SLC6A6: variants seen among roughly 807,000 people sequenced by gnomAD.
SLC6A6 encodes sodium- and chloride-dependent taurine transporter.
SLC6A6 carries 16 observed loss-of-function variants against 68.8 expected under a neutral mutation model. That is an observed-to-expected ratio of 0.23 (90% CI 0.16 to 0.35). The LOEUF (loss-of-function observed/expected upper bound fraction) is 0.35, where lower values mean the gene tolerates loss of function less well. SLC6A6 is among the 10% of genes least tolerant of loss of function. The pLI is 1.00. For synonymous variants in SLC6A6, 312 were observed against 315.4 expected (o/e 0.99, Z 0.12); for missense variants, 474 against 802.8 (o/e 0.59, Z 4.95).
intron 2 of SLC6A6, among the ~76,000 whole-genome samples, chr3:14,417,821 A>C (rs1007700438): frequency 4.6e-5 from 7 of 151,202 alleles, no homozygotes; most frequent in African/African-American, 1.7e-4. Flanking sequence ...CATTGACGTG[A>C]TTCTGTTATC....
At chr3:14,414,492 AG>A (rs1699321033) in intron 1 of SLC6A6, among the ~76,000 whole-genome samples, 1 of 151,932 alleles carries the variant, frequency 6.6e-6, no homozygotes, top group Admixed American at 6.6e-5. Flanking sequence ...GGGTGCCAGC[AG>A]GCTAGACATA....
intron 6 of SLC6A6, among the ~76,000 whole-genome samples, chr3:14,464,765 A>G (rs965654126): frequency 7.9e-5 from 12 of 152,106 alleles, no homozygotes; most frequent in Non-Finnish European, 1.3e-4. Flanking sequence ...TGTTCTCTTC[A>G]TCTCAGTTTC....
In SLC6A6 at chr3:14,477,395, A is replaced by C; in HGVS notation, c.1347+53A>C. The C allele has an allele frequency of 6.3e-7, 1 of 1,584,472 alleles. No individual in the cohort carries two copies. The highest frequency in any genetic ancestry group is 8.6e-7 in the Non-Finnish European group (1 of 1,156,384). On this transcript the variant is annotated intron_variant, in intron 11 of 14. Transcript: ENST00000622186. The surrounding 1 kb of genome is among the most constrained non-coding windows in gnomAD (Gnocchi z 4.2). ...GGCTTGGTGCTCCAGTGCCCTCCTC[A>C]AGGCCATAGTGGAGGCAGCAGCTGG...
intron 1 of SLC6A6, among the ~76,000 whole-genome samples, chr3:14,413,939 T>C (rs1359802588): frequency 2.6e-5 from 4 of 152,248 alleles, no homozygotes; most frequent in African/African-American, 9.7e-5. Context: ...TTTTATTTTT[T>C]TTATTTATTT....
In SLC6A6 at chr3:14,459,883, C is replaced by CTT. The variant is rs869191764; in HGVS notation, c.732+1825_732+1826dup. Among the ~76,000 whole-genome samples, 100 of 40,170 alleles carry CTT rather than the reference C, an allele frequency of 2.5e-3. 1 individual carries two copies. The highest frequency in any genetic ancestry group is 2.8e-3 in the East Asian group (4 of 1,420). 26.4% of individuals were successfully genotyped at this position (40,170 alleles called of 152,430 possible). ...CGGTTCTGTAAATGCTAATTCTCTT[C>CTT]TTTTTTTTTTTTTTTTTTTTTTTTT... On this transcript the variant is annotated intron_variant, in intron 6 of 14. Coordinates refer to ENST00000622186, the MANE Select transcript of SLC6A6 (RefSeq NM_003043.6).
At chr3:14,432,218 G>A (rs1261162053) in intron 2 of SLC6A6, among the ~76,000 whole-genome samples, 2 of 152,210 alleles carry the variant, frequency 1.3e-5, no homozygotes, top group African/African-American at 4.8e-5. Flanking sequence ...AAAGGAGAAG[G>A]TCAAGGAAAT....
chr3:14,421,277 G>A (rs1699480135), intron 2 of SLC6A6, among the ~76,000 whole-genome samples: 1 of 152,140 alleles, frequency 6.6e-6, no homozygotes, highest in African/African-American at 2.4e-5. Context: ...GGCCAGACTC[G>A]AGGTTGAAAA....
Position 14,477,291 on chromosome 3 carries a change from C to T in SLC6A6, c.1296C>T (p.Ile432=), listed in dbSNP as rs766538729. Residue 432 remains isoleucine, a synonymous_variant, in exon 11 of 15, where the codon ATC becomes ATT. Transcript: ENST00000622186. The surrounding 1 kb of genome is among the most constrained non-coding windows in gnomAD (Gnocchi z 4.2). ...LRKGYRREIF[I]AFVCSISYLL... is the part of the protein sequence containing the mutation. ...AGGGTTATCGTCGGGAAATCTTCAT[C>T]GCCTTCGTGTGTAGCATCAGCTACC... The T allele has an allele frequency of 1.7e-5, 28 of 1,613,842 alleles. 1 individual carries two copies. Among genetic ancestry groups the T allele is most frequent in the East Asian group, 6.7e-5 (3 of 44,892 alleles).
At chr3:14,463,095 T>C (rs184736544) in intron 6 of SLC6A6, among the ~76,000 whole-genome samples, 1 of 152,318 alleles carries the variant, frequency 6.6e-6, no homozygotes, top group East Asian at 1.9e-4. Flanking sequence ...GAGATTTTAT[T>C]TTCCCTTCAC....
intron 8 of SLC6A6, 25 bp downstream of exon 8, chr3:14,467,981 G>T: frequency 6.2e-7 from 1 of 1,608,358 alleles, no homozygotes; most frequent in Non-Finnish European, 8.5e-7. Context: ...GGCGGGCCTG[G>T]TGGACTTTAG....
At chr3:14,475,092 C>T (rs986375660) in intron 10 of SLC6A6, among the ~76,000 whole-genome samples, 2 of 152,316 alleles carry the variant, frequency 1.3e-5, no homozygotes, top group African/African-American at 2.4e-5. Context: ...AGTGCAGTGG[C>T]GCAGCCTTGG....
Position 14,468,339 on chromosome 3 carries a change from C to CCA in SLC6A6, c.1096+128_1096+129insAC, listed in dbSNP as rs1379069246. On this transcript the variant is annotated intron_variant, in intron 9 of 14. Coordinates refer to ENST00000622186, the MANE Select transcript of SLC6A6 (RefSeq NM_003043.6). The surrounding 1 kb of genome is among the most constrained non-coding windows in gnomAD (Gnocchi z 4.5). ...CGAGCCTGGTTTCTAAAATGGACCC[C>CCA]CCCCCCGCCACCAAGATATCCCCCA... 1.1e-5 allele frequency: 8 copies of CCA among 735,638 alleles called. No homozygotes were observed. Among genetic ancestry groups the CCA allele is most frequent in the Non-Finnish European group, 1.7e-5 (8 of 479,740 alleles). The allele number at this position is 735,638 out of a possible 1,614,324, so 45.6% of individuals were successfully genotyped here.
Position 14,481,604 on chromosome 3 carries a change from A to C in SLC6A6, c.1552-67A>C, listed in dbSNP as rs1357036274. 2 of 1,092,728 alleles carry C rather than the reference A, an allele frequency of 1.8e-6. No individual in the cohort carries two copies. The highest frequency in any genetic ancestry group is 2.8e-6 in the Non-Finnish European group (2 of 726,688). 67.7% of individuals were successfully genotyped at this position (1,092,728 alleles called of 1,614,324 possible). On this transcript the variant is annotated intron_variant, in intron 13 of 14. Coordinates refer to ENST00000622186, the MANE Select transcript of SLC6A6 (RefSeq NM_003043.6). This position sits in a 1 kb window ranked among gnomAD's most constrained non-coding sequence, Gnocchi z 4.7. ...CTTCCCTCAGGTTGAGGCCAGTCCT[A>C]GTCCCAGAAGCCCCCCACCCCCCGA...
intron 2 of SLC6A6, among the ~76,000 whole-genome samples, chr3:14,427,490 T>C (rs1020989087): frequency 1.3e-5 from 2 of 152,292 alleles, no homozygotes; most frequent in Admixed American, 1.3e-4. Flanking sequence ...CAGGCCTCTG[T>C]CTGCTTACTA....
chr3:14,453,726 G>A (rs1165934420), intron 5 of SLC6A6, among the ~76,000 whole-genome samples: 1 of 152,216 alleles, frequency 6.6e-6, no homozygotes, highest in Non-Finnish European at 1.5e-5. Flanking sequence ...ATAGGCTCAG[G>A]GCAGGGGAAG....
chr3:14,482,122 GT>G (rs900804962), intron 14 of SLC6A6, among the ~76,000 whole-genome samples: 4 of 152,234 alleles, frequency 2.6e-5, no homozygotes, highest in Non-Finnish European at 5.9e-5. Flanking sequence ...GGTGTTCCTG[GT>G]GTTGGCAGAG....
chr3:14,447,754 C>T lies in SLC6A6; in HGVS notation c.537C>T (p.Asn179=). 1 of 1,614,252 alleles carries T rather than the reference C, an allele frequency of 6.2e-7. No individual in the cohort carries two copies. The highest frequency in any genetic ancestry group is 8.5e-7 in the Non-Finnish European group (1 of 1,180,048). Residue 179 remains asparagine, a synonymous_variant, in exon 5 of 15, where the codon AAC becomes AAT. Transcript: ENST00000622186. Reference sequence around the variant, plus strand: ...GCATGGAGGACACCATGCGCAAGAACAAGAGTGTCTGGATCACCATCAGCT... The same window carrying T: ...GCATGGAGGACACCATGCGCAAGAATAAGAGTGTCTGGATCACCATCAGCT... ...PHCMEDTMRK[N]KSVWITISST...
chr3:14,420,461 G>A (rs1168875713), intron 2 of SLC6A6, among the ~76,000 whole-genome samples: 1 of 149,022 alleles, frequency 6.7e-6, no homozygotes, highest in Non-Finnish European at 1.5e-5. Context: ...AAATTGGCTG[G>A]TTACAGTTTC....
In SLC6A6 at chr3:14,450,959, C is replaced by T. The variant is rs1246637822; in HGVS notation, c.599+3143C>T. Among the ~76,000 whole-genome samples the T allele has an allele frequency of 6.6e-6, 1 of 152,200 alleles. No individual in the cohort carries two copies. The highest frequency in any genetic ancestry group is 2.4e-5 in the African/African-American group (1 of 41,440). ...TTCTTTCTACCTCAAATCCCACATC[C>T]AATTCACACATCTTCTTGGCTCCCC... On this transcript the variant is annotated intron_variant, in intron 5 of 14. Transcript: ENST00000622186. The surrounding 1 kb of genome is among the most constrained non-coding windows in gnomAD (Gnocchi z 4.1).
Sources: allele counts gnomAD v4.1 joint callset (sites outside exome capture counted in the v4.1 genomes callset), GRCh38; gene constraint gnomAD v4.1.1; non-coding constraint Gnocchi (gnomAD v3.1); transcripts MANE v1.5; gene names NCBI Gene and HGNC (gene_info 2026-07-23, HGNC 2026-07-21).